The following VPS37A variants were observed in gnomAD, a reference collection of about 807,000 sequenced individuals.
The protein encoded by VPS37A is vacuolar protein sorting-associated protein 37A.
VPS37A carries 30 observed loss-of-function variants against 49.8 expected under a neutral mutation model. The observed-to-expected ratio is 0.60, with a 90% CI of 0.45 to 0.82. The LOEUF (loss-of-function observed/expected upper bound fraction) is 0.82. Among genes scored for constraint, VPS37A ranks in the 40% least tolerant of loss-of-function variants. The probability of loss-of-function intolerance (pLI) is 0.00; values close to 1 mark genes in which losing one functional copy is unlikely to be tolerated. For missense variants in VPS37A, 593 were observed against 464.4 expected (o/e 1.28, Z -2.55); for synonymous variants, 195 against 160.6 (o/e 1.21, Z -1.62).
At chr8:17,268,418 T>G in intron 3 of VPS37A, 46 bp downstream of exon 3, 1 of 1,327,618 alleles carries the variant, frequency 7.5e-7, no homozygotes, top group Non-Finnish European at 1.1e-6. Context: ...AATAGGTGTA[T>G]TACTTTTCTA....
chr8:17,260,217 A>G (rs1418567797), intron 1 of VPS37A, among the ~76,000 whole-genome samples: 1 of 151,992 alleles, frequency 6.6e-6, no homozygotes, highest in East Asian at 1.9e-4. Context: ...TGTTTAGTGA[A>G]TCTACTATAG....
intron 6 of VPS37A, 138 bp downstream of exon 6, chr8:17,276,605 T>C (rs1191848275): frequency 2.4e-6 from 2 of 836,790 alleles, no homozygotes; most frequent in African/African-American, 3.5e-5. Context: ...CTTAGTGGGA[T>C]TTAAAAATCA....
chr8:17,294,402 G>A (rs1490114016), intron 11 of VPS37A, among the ~76,000 whole-genome samples: 1 of 152,182 alleles, frequency 6.6e-6, no homozygotes, highest in Non-Finnish European at 1.5e-5. Context: ...ATAGGGGTGG[G>A]ATCCGCTGAG....
At chr8:17,331,084 C>T in the VPS37A span, 2 of 1,546,540 alleles carry the variant, frequency 1.3e-6, no homozygotes, top group Non-Finnish European at 1.7e-6. Flanking sequence ...TCAAGACTAT[C>T]TTATTCCCTT....
intron 11 of VPS37A, among the ~76,000 whole-genome samples, 158 bp from the exon 12 acceptor site, chr8:17,294,829 C>A (rs925193590): frequency 2.6e-5 from 4 of 152,226 alleles, no homozygotes; most frequent in Non-Finnish European, 5.9e-5. Context: ...CACCTGCCTT[C>A]TCTGTTGGTC....
At chr8:17,259,037 A>C (rs951825725) in intron 1 of VPS37A, among the ~76,000 whole-genome samples, 1 of 151,928 alleles carries the variant, frequency 6.6e-6, no homozygotes, top group African/African-American at 2.4e-5. Context: ...TATCTTTTCA[A>C]ATAACCAACT....
At chr8:17,311,629 G>A in the VPS37A span, 1 of 1,614,052 alleles carries the variant, frequency 6.2e-7, no homozygotes. Context: ...CCCTTCCTCT[G>A]ACACTGCCTA....
At chr8:17,261,593 T>G (rs533474836) in intron 1 of VPS37A, among the ~76,000 whole-genome samples, 5 of 152,298 alleles carry the variant, frequency 3.3e-5, no homozygotes, top group African/African-American at 1.2e-4. Flanking sequence ...CTCTCTGGCT[T>G]GTTTTGGTTT....
downstream of VPS37A, among the ~76,000 whole-genome samples, chr8:17,306,821 C>T (rs1817485419): frequency 6.6e-6 from 1 of 152,016 alleles, no homozygotes; most frequent in Non-Finnish European, 1.5e-5. Flanking sequence ...AAAAGTGTTA[C>T]CTAGGCTAGC....
At chr8:17,317,371 T>G in the VPS37A span, among the ~76,000 whole-genome samples, 1 of 152,198 alleles carries the variant, frequency 6.6e-6, no homozygotes, top group South Asian at 2.1e-4. Context: ...TGGAATCTTC[T>G]GAACACCTGA....
chr8:17,328,099 A>C, the VPS37A span, among the ~76,000 whole-genome samples: 1 of 152,200 alleles, frequency 6.6e-6, no homozygotes, highest in African/African-American at 2.4e-5. Context: ...AGGCAGGCAC[A>C]AAGCTACTCG....
chr8:17,268,298 A>C lies in VPS37A; in HGVS notation c.241A>C (p.Ser81Arg). The C allele has an allele frequency of 6.2e-7, 1 of 1,613,318 alleles. No homozygotes were observed. ...GTTTCCTCAGGAAAAACCAGTGATC[A>C]GTGTTTATCCACCAATACGACATCA... ...PQFPQEKPVI[S>R]VYPPIRHHLM... is the part of the protein sequence containing the mutation. Residue 81 changes from serine to arginine, a missense_variant, in exon 3 of 12, where the codon AGT becomes CGT. Transcript: ENST00000324849.
At chr8:17,252,619 A>G (rs1480124183) in intron 1 of VPS37A, among the ~76,000 whole-genome samples, 2 of 152,202 alleles carry the variant, frequency 1.3e-5, no homozygotes, top group East Asian at 1.9e-4. Flanking sequence ...ATTGGTTTCC[A>G]CATAGCAACA....
At position 17,295,170 on chromosome 8, in the gene VPS37A, A is replaced by G. The variant is rs560357280; in HGVS notation, c.*184A>G. 2.0e-5 allele frequency: 3 copies of G among 152,624 alleles called. No individual in the cohort carries two copies. In the South Asian group the frequency reaches 6.2e-4, roughly 32 times the overall value. The allele number at this position is 152,624 out of a possible 1,614,324, so 9.5% of individuals were successfully genotyped here. A position where few individuals can be genotyped will look rare whatever the true frequency, so the allele number is the denominator to read the frequency against. On this transcript the variant is annotated 3_prime_UTR_variant, in exon 12 of 12. Transcript: ENST00000324849. ...GAATGATTGCTATGATCTTTGAGAA[A>G]TTTTTCTGCACTATTTGCACTGAAA...
intron 6 of VPS37A, among the ~76,000 whole-genome samples, chr8:17,278,003 A>G (rs907628196): frequency 3.9e-5 from 6 of 152,076 alleles, no homozygotes; most frequent in African/African-American, 1.4e-4. Context: ...TATATTAGAC[A>G]TAGTGTGTGT....
chr8:17,317,404 G>A, the VPS37A span, among the ~76,000 whole-genome samples: 14 of 152,294 alleles, frequency 9.2e-5, no homozygotes, highest in African/African-American at 3.1e-4. Context: ...GGATGCCAGT[G>A]TCCTAAGAGG....
intron 1 of VPS37A, among the ~76,000 whole-genome samples, chr8:17,253,023 G>T (rs186154262): frequency 5.3e-5 from 8 of 152,092 alleles, no homozygotes; most frequent in African/African-American, 1.9e-4. Flanking sequence ...ATTGCAGAGC[G>T]TATGACGCAA....
At chr8:17,311,872 A>G in the VPS37A span, 1 of 556,994 alleles carries the variant, frequency 1.8e-6, no homozygotes, top group Non-Finnish European at 3.2e-6. Context: ...GTCACCTCCA[A>G]TAAGCGCATG....
intron 1 of VPS37A, among the ~76,000 whole-genome samples, chr8:17,262,079 G>A (rs1813011751): frequency 6.7e-6 from 1 of 149,076 alleles, no homozygotes; most frequent in African/African-American, 2.5e-5. Flanking sequence ...TGAGTCGAGG[G>A]GAAATTTTTT....
Sources: allele counts gnomAD v4.1 joint callset (sites outside exome capture counted in the v4.1 genomes callset), GRCh38; gene constraint gnomAD v4.1.1; transcripts MANE v1.5; gene names NCBI Gene and HGNC (gene_info 2026-07-23, HGNC 2026-07-21).